Variants in SYK observed in about 807,000 individuals in gnomAD.
SYK encodes spleen associated tyrosine kinase.
SYK carries 16 observed loss-of-function variants against 77.8 expected under a neutral mutation model. That is an observed-to-expected ratio of 0.21 (90% CI 0.14 to 0.31). The LOEUF (loss-of-function observed/expected upper bound fraction) is 0.31, where lower values mean the gene tolerates loss of function less well. SYK is among the 10% of genes least tolerant of loss of function. The pLI is 1.00. For synonymous variants in SYK, 312 were observed against 308.7 expected (o/e 1.01, Z -0.11); for missense variants, 529 against 814.4 (o/e 0.65, Z 4.26).
rs71923873 is a variant in SYK, at chr9:90,876,287, CAAAAAAA to C, written c.1182-1271_1182-1265del. On this transcript the variant is annotated intron_variant, in intron 9 of 13. Transcript: ENST00000375754. ...GGGCAACAAGAGTGAAACTCTGCCT[CAAAAAAA>C]AAAAAAAAAAAAGAAAGAAAGAAAA... Among the ~76,000 whole-genome samples, 43 of 120,072 alleles carry C rather than the reference CAAAAAAA, an allele frequency of 3.6e-4. No individual in the cohort carries two copies. In the East Asian group the frequency reaches 5.9e-3, roughly 16 times the overall value. The allele number at this position is 120,072 out of a possible 152,430, so 78.8% of individuals were successfully genotyped here. A position where few individuals can be genotyped will look rare whatever the true frequency, so the allele number is the denominator to read the frequency against.
chr9:90,804,955 G>GTTT (rs5899105), intron 1 of SYK, among the ~76,000 whole-genome samples: 38 of 151,176 alleles, frequency 2.5e-4, no homozygotes, highest in Middle Eastern at 3.4e-3. Context: ...TCAATTTGAG[G>GTTT]TTTTTTTTTC....
chr9:90,895,646 C>A lies in SYK; in HGVS notation c.*46C>A. On this transcript the variant is annotated 3_prime_UTR_variant, in exon 14 of 14. Transcript: ENST00000375754. This position sits in a 1 kb window ranked among gnomAD's most constrained non-coding sequence, Gnocchi z 4.4. The stretch of plus-strand genomic sequence containing the variant: ...GGCTGCCTTTGATCACAGGAGCAAT[C>A]ACAGGAAAATGTATCCAGAGGAATT... 6.4e-7 allele frequency: 1 copy of A among 1,561,778 alleles called. No homozygotes were observed. The highest frequency in any genetic ancestry group is 1.1e-5 in the South Asian group (1 of 89,846).
At chr9:90,850,497 C>T (rs976545872) in intron 3 of SYK, among the ~76,000 whole-genome samples, 3 of 152,014 alleles carry the variant, frequency 2.0e-5, no homozygotes, top group African/African-American at 7.3e-5. Flanking sequence ...GCCTGGGCAA[C>T]AGAGCAAGAC....
At chr9:90,867,612 C>G (rs1054442107) in intron 7 of SYK, among the ~76,000 whole-genome samples, 37 of 152,158 alleles carry the variant, frequency 2.4e-4, no homozygotes, top group Non-Finnish European at 4.1e-4. Context: ...GGAGGGAACA[C>G]CAAGGTTTTG....
intron 6 of SYK, among the ~76,000 whole-genome samples, chr9:90,866,692 A>G (rs1213762521): frequency 2.6e-5 from 4 of 151,992 alleles, no homozygotes; most frequent in South Asian, 2.1e-4. Flanking sequence ...TACATACGGG[A>G]AAAAAAAGGC....
chr9:90,823,636 C>A (rs1192330127), intron 1 of SYK, among the ~76,000 whole-genome samples: 1 of 152,058 alleles, frequency 6.6e-6, no homozygotes, highest in East Asian at 1.9e-4. Context: ...AAACAACAGA[C>A]TTCTATATAA....
At chr9:90,890,262 G>A (rs965275784) in intron 13 of SYK, among the ~76,000 whole-genome samples, 1 of 152,180 alleles carries the variant, frequency 6.6e-6, no homozygotes, top group African/African-American at 2.4e-5. Flanking sequence ...GGCTCGTGGT[G>A]TATTCTTGTG....
chr9:90,894,296 C>T (rs962284675), intron 13 of SYK, among the ~76,000 whole-genome samples: 2 of 152,176 alleles, frequency 1.3e-5, no homozygotes, highest in Non-Finnish European at 2.9e-5. Flanking sequence ...TATCCCCTCT[C>T]GGAACACACT....
chr9:90,848,174 G>T (rs776588563), intron 3 of SYK, among the ~76,000 whole-genome samples: 6 of 152,192 alleles, frequency 3.9e-5, no homozygotes, highest in African/African-American at 1.4e-4. Flanking sequence ...GGCAGGGTCT[G>T]CATCCCTGAA....
chr9:90,814,562 C>T (rs1311592774), intron 1 of SYK, among the ~76,000 whole-genome samples: 1 of 152,106 alleles, frequency 6.6e-6, no homozygotes, highest in African/African-American at 2.4e-5. Context: ...CCCTGAGGAG[C>T]CCAGAAGGGA....
chr9:90,830,581 CTTT>C (rs57804863), intron 1 of SYK, among the ~76,000 whole-genome samples: 7 of 111,568 alleles, frequency 6.3e-5, no homozygotes, highest in East Asian at 5.7e-4. Context: ...ACTCATTCCT[CTTT>C]TTTTTTTTTT....
intron 11 of SYK, among the ~76,000 whole-genome samples, chr9:90,886,088 A>T (rs1478422982): frequency 6.6e-6 from 1 of 152,260 alleles, no homozygotes; most frequent in African/African-American, 2.4e-5. Context: ...AAAACACACA[A>T]AAGTATAAAA....
At chr9:90,842,537 G>A (rs562063315) in intron 1 of SYK, among the ~76,000 whole-genome samples, 25 of 151,380 alleles carry the variant, frequency 1.7e-4, no homozygotes, top group African/African-American at 5.8e-4. Context: ...TTGTGTGCAT[G>A]CAGTGGTGTG....
Position 90,855,697 on chromosome 9 carries a change from TGAGA to T in SYK, c.579-6490_579-6487del, listed in dbSNP as rs373151521. 9.0e-4 allele frequency among the ~76,000 whole-genome samples: 135 copies of T among 150,118 alleles called. 1 individual carries two copies. In the East Asian group the frequency reaches 0.012, roughly 14 times the overall value. On this transcript the variant is annotated intron_variant, in intron 3 of 13. Coordinates refer to ENST00000375754, the MANE Select transcript of SYK (RefSeq NM_003177.7). ...GTGTGTGTGTGTGTGTGGGTGTGTG[TGAGA>T]GAGAGAGAGAGAGAGAGACAGACAG...
intron 1 of SYK, among the ~76,000 whole-genome samples, chr9:90,809,155 G>A (rs1266624522): frequency 2.0e-5 from 3 of 152,174 alleles, no homozygotes; most frequent in Non-Finnish European, 2.9e-5. Flanking sequence ...GCAGGCCTTG[G>A]CGTTAGGTTC....
intron 3 of SYK, among the ~76,000 whole-genome samples, chr9:90,859,782 C>T (rs1827180473): frequency 6.6e-6 from 1 of 152,216 alleles, no homozygotes; most frequent in Non-Finnish European, 1.5e-5. Flanking sequence ...TTCCACCAGT[C>T]TGAAGAGCGT....
chr9:90,819,396 G>C (rs993493057), intron 1 of SYK, among the ~76,000 whole-genome samples: 3 of 152,180 alleles, frequency 2.0e-5, no homozygotes, highest in Non-Finnish European at 4.4e-5. Flanking sequence ...TCCCACTGCT[G>C]ATAAAGACAT....
chr9:90,883,935 T>C (rs544783393), intron 11 of SYK, among the ~76,000 whole-genome samples: 2 of 152,216 alleles, frequency 1.3e-5, no homozygotes, highest in African/African-American at 4.8e-5. Context: ...CATACTCAGC[T>C]CACTGCTGTC....
intron 1 of SYK, among the ~76,000 whole-genome samples, chr9:90,811,402 C>T (rs1825065701): frequency 6.6e-6 from 1 of 152,024 alleles, no homozygotes; most frequent in South Asian, 2.1e-4. Context: ...TTTTAGGAAC[C>T]TATCACACAT....
Sources: gnomAD v4.1 joint callset for allele counts (sites outside exome capture counted in the v4.1 genomes callset) on GRCh38, gnomAD v4.1.1 for gene constraint, Gnocchi (gnomAD v3.1) non-coding constraint, MANE v1.5 for transcripts, NCBI Gene and HGNC (gene_info 2026-07-23, HGNC 2026-07-21) for gene names.